The following SUMF1 variants were observed in gnomAD, a reference collection of about 807,000 sequenced individuals.
SUMF1 encodes formylglycine-generating enzyme.
SUMF1 carries 48 observed loss-of-function variants against 47.6 expected under a neutral mutation model. The ratio of observed to expected loss-of-function variants is 1.01; its 90% CI spans 0.80 to 1.28. The LOEUF (loss-of-function observed/expected upper bound fraction) is 1.28. Ranked by LOEUF, SUMF1 falls within the 50% of genes most tolerant of loss-of-function variation. SUMF1 has a pLI of 0.00. For synonymous variants in SUMF1, 230 were observed against 192.1 expected (o/e 1.20, Z -1.63); for missense variants, 571 against 485.4 (o/e 1.18, Z -1.66).
At chr3:4,399,157 T>A (rs1701129233) in intron 7 of SUMF1, among the ~76,000 whole-genome samples, 1 of 152,148 alleles carries the variant, frequency 6.6e-6, no homozygotes, top group Non-Finnish European at 1.5e-5. Flanking sequence ...GGGAGAAAAG[T>A]CCCATACAAA....
chr3:4,369,340 T>G (rs1334650063), intron 8 of SUMF1, among the ~76,000 whole-genome samples: 1 of 152,208 alleles, frequency 6.6e-6, no homozygotes, highest in Non-Finnish European at 1.5e-5. Flanking sequence ...CTATGTGTGA[T>G]CTGCATGCAA....
intron 8 of SUMF1, among the ~76,000 whole-genome samples, chr3:4,341,347 G>C (rs1699268613): frequency 6.6e-6 from 1 of 152,142 alleles, no homozygotes; most frequent in South Asian, 2.1e-4. Flanking sequence ...GTGGCTCTTA[G>C]AAAATAATGA....
At chr3:4,270,128 G>A (rs1463400788) in intron 8 of SUMF1, among the ~76,000 whole-genome samples, 5 of 152,140 alleles carry the variant, frequency 3.3e-5, no homozygotes, top group Non-Finnish European at 7.4e-5. Flanking sequence ...AACAAACGAA[G>A]AAACTGGGGT....
At chr3:4,213,998 C>A (rs137972679) in intron 8 of SUMF1, among the ~76,000 whole-genome samples, 1 of 152,080 alleles carries the variant, frequency 6.6e-6, no homozygotes, top group African/African-American at 2.4e-5. Context: ...TTAGACAGAT[C>A]GATGAGACAG....
At chr3:4,134,154 A>G (rs1412805931) in intron 8 of SUMF1, among the ~76,000 whole-genome samples, 1 of 152,172 alleles carries the variant, frequency 6.6e-6, no homozygotes, top group East Asian at 1.9e-4. Context: ...CCACATATCA[A>G]CAGAATATAC....
chr3:4,155,511 C>T (rs1381085870), intron 8 of SUMF1, among the ~76,000 whole-genome samples: 1 of 151,394 alleles, frequency 6.6e-6, no homozygotes, highest in East Asian at 1.9e-4. Context: ...CTCCTGGCAG[C>T]AGTAAGTTAC....
chr3:4,325,805 C>T (rs1027039163), intron 8 of SUMF1, among the ~76,000 whole-genome samples: 6 of 151,864 alleles, frequency 4.0e-5, no homozygotes, highest in African/African-American at 1.5e-4. Flanking sequence ...ATTCAGAATC[C>T]AGTCCAAATA....
chr3:4,411,019 C>G, intron 6 of SUMF1, 41 bp from the exon 7 acceptor site: 1 of 1,531,304 alleles, frequency 6.5e-7, no homozygotes, highest in Non-Finnish European at 9.1e-7. Flanking sequence ...AACTATTCAC[C>G]TGGTTTAAAA....
chr3:4,213,628 G>C (rs993359976), intron 8 of SUMF1, among the ~76,000 whole-genome samples: 1 of 152,094 alleles, frequency 6.6e-6, no homozygotes, highest in Non-Finnish European at 1.5e-5. Flanking sequence ...AAATTGGATA[G>C]AGTCAAGACC....
At chr3:4,312,202 C>G (rs1256815849) in intron 8 of SUMF1, among the ~76,000 whole-genome samples, 1 of 151,964 alleles carries the variant, frequency 6.6e-6, no homozygotes, top group Non-Finnish European at 1.5e-5. Flanking sequence ...TTCTTATCCC[C>G]AACCAGTATC....
intron 8 of SUMF1, among the ~76,000 whole-genome samples, chr3:4,261,477 A>T (rs903977020): frequency 4.6e-5 from 7 of 152,306 alleles, no homozygotes; most frequent in African/African-American, 1.7e-4. Flanking sequence ...CTAGTTTGGA[A>T]TTTGCAGAAA....
intron 8 of SUMF1, among the ~76,000 whole-genome samples, chr3:4,259,135 G>A (rs958390987): frequency 6.8e-6 from 1 of 146,948 alleles, no homozygotes. Context: ...AGGGTGGAGG[G>A]ATAGCATTGG....
At chr3:4,165,371 C>T (rs2587955) in intron 8 of SUMF1, among the ~76,000 whole-genome samples, 110,844 of 151,738 alleles carry the variant, frequency 0.73, 40,672 homozygotes, top group Admixed American at 0.79. Flanking sequence ...GAAGAGGACA[C>T]AACCAATAGC....
intron 8 of SUMF1, among the ~76,000 whole-genome samples, chr3:4,112,087 A>T (rs1029468933): frequency 1.3e-5 from 2 of 152,088 alleles, no homozygotes; most frequent in African/African-American, 4.8e-5. Flanking sequence ...TTTATTTCTA[A>T]TCTGAGACAA....
intron 8 of SUMF1, among the ~76,000 whole-genome samples, chr3:4,369,698 A>G (rs961829193): frequency 1.3e-5 from 2 of 152,204 alleles, no homozygotes; most frequent in Non-Finnish European, 2.9e-5. Context: ...CAGGTTGCTT[A>G]AATCCATGTT....
At chr3:4,112,950 A>G (rs1451543257) in intron 8 of SUMF1, among the ~76,000 whole-genome samples, 2 of 152,174 alleles carry the variant, frequency 1.3e-5, no homozygotes, top group Non-Finnish European at 2.9e-5. Context: ...ATAAATAGTT[A>G]CAATTTCTAA....
chr3:4,225,675 T>C (rs1696157276), intron 8 of SUMF1, among the ~76,000 whole-genome samples: 1 of 152,116 alleles, frequency 6.6e-6, no homozygotes, highest in Admixed American at 6.6e-5. Context: ...CTCAGTGACC[T>C]GAATCATGAG....
At chr3:4,120,739 T>G (rs1693522378) in intron 8 of SUMF1, among the ~76,000 whole-genome samples, 1 of 152,126 alleles carries the variant, frequency 6.6e-6, no homozygotes, top group Non-Finnish European at 1.5e-5. Flanking sequence ...CTGGCTGGAC[T>G]GCTGGTTCTA....
chr3:4,346,632 A>G (rs1354920752), intron 8 of SUMF1, among the ~76,000 whole-genome samples: 3 of 152,170 alleles, frequency 2.0e-5, no homozygotes, highest in Admixed American at 2.0e-4. Flanking sequence ...GAGAGGCAAG[A>G]GCAAGCTAAT....
Sources: gnomAD v4.1 joint callset for allele counts (sites outside exome capture counted in the v4.1 genomes callset) on GRCh38, gnomAD v4.1.1 for gene constraint, MANE v1.5 for transcripts, NCBI Gene and HGNC (gene_info 2026-07-23, HGNC 2026-07-21) for gene names.